Variants in CNTN5 observed in about 807,000 individuals in gnomAD.
CNTN5 encodes contactin 5.
CNTN5 carries 77 observed loss-of-function variants against 129.1 expected under a neutral mutation model. That is an observed-to-expected ratio of 0.60 (90% CI 0.50 to 0.72). The LOEUF is 0.72. Among genes scored for constraint, CNTN5 ranks in the 30% least tolerant of loss-of-function variants. The pLI, the probability that CNTN5 is intolerant of heterozygous loss-of-function variation, is 0.00. For missense variants in CNTN5, 1,478 were observed against 1,328.8 expected, an observed-to-expected ratio of 1.11 and a Z score of -1.75; for synonymous variants, 509 against 465.6, an observed-to-expected ratio of 1.09 and a Z score of -1.20.
intron 1 of CNTN5, among the ~76,000 whole-genome samples, chr11:99,087,370 G>A (rs1200898455): frequency 6.6e-6 from 1 of 152,016 alleles, no homozygotes; most frequent in East Asian, 1.9e-4. Context: ...TTTTTATATG[G>A]TTCTTCCTTG....
chr11:99,164,746 A>T (rs1860795368), intron 1 of CNTN5, among the ~76,000 whole-genome samples: 1 of 152,190 alleles, frequency 6.6e-6, no homozygotes, highest in Non-Finnish European at 1.5e-5. Flanking sequence ...TCATTTTTTC[A>T]GACACTGATT....
chr11:99,893,521 G>A (rs531123194), intron 6 of CNTN5, among the ~76,000 whole-genome samples: 1 of 152,238 alleles, frequency 6.6e-6, no homozygotes, highest in South Asian at 2.1e-4. Flanking sequence ...TGGCAGACAG[G>A]ATTTCAGACA....
intron 3 of CNTN5, among the ~76,000 whole-genome samples, chr11:99,565,185 A>G (rs936618015): frequency 6.6e-6 from 1 of 152,114 alleles, no homozygotes; most frequent in South Asian, 2.1e-4. Context: ...GGAAGCCCCT[A>G]GAAGCCGCCT....
chr11:99,306,400 A>G (rs1050240477), intron 1 of CNTN5, among the ~76,000 whole-genome samples: 2 of 152,204 alleles, frequency 1.3e-5, no homozygotes, highest in Admixed American at 1.3e-4. Flanking sequence ...TAATTATGTA[A>G]GGCGTATAGA....
At chr11:100,168,064 A>G (rs1430095916) in intron 13 of CNTN5, among the ~76,000 whole-genome samples, 1 of 151,898 alleles carries the variant, frequency 6.6e-6, no homozygotes, top group Non-Finnish European at 1.5e-5. Flanking sequence ...CTTCAATTCT[A>G]TAAAGTTTGA....
chr11:99,970,524 T>C (rs1951220428), intron 8 of CNTN5, among the ~76,000 whole-genome samples: 1 of 152,244 alleles, frequency 6.6e-6, no homozygotes, highest in South Asian at 2.1e-4. Flanking sequence ...TTGGTACTTA[T>C]CTGATAGGGT....
chr11:100,159,879 G>A (rs1309154250), intron 13 of CNTN5, among the ~76,000 whole-genome samples: 1 of 151,864 alleles, frequency 6.6e-6, no homozygotes, highest in Non-Finnish European at 1.5e-5. Context: ...TCTTCAGGCA[G>A]TGTTTTTTTA....
intron 2 of CNTN5, among the ~76,000 whole-genome samples, chr11:99,380,880 A>G (rs550298078): frequency 6.6e-6 from 1 of 152,240 alleles, no homozygotes; most frequent in East Asian, 1.9e-4. Context: ...CTGGGGTTAC[A>G]TCAGTGAGAA....
chr11:99,031,926 C>G (rs1315220865), intron 1 of CNTN5, among the ~76,000 whole-genome samples: 3 of 119,128 alleles, frequency 2.5e-5, no homozygotes, highest in African/African-American at 9.5e-5. Context: ...CTCCCCCCAC[C>G]CCACAACAGT....
intron 3 of CNTN5, among the ~76,000 whole-genome samples, chr11:99,630,017 A>C (rs2458167): frequency 0.61 from 92,570 of 151,400 alleles, 29,203 homozygotes; most frequent in Admixed American, 0.74. Flanking sequence ...GCATGGATTT[A>C]CACGGTGGGA....
chr11:100,252,846 ACT>A (rs1376338370), intron 16 of CNTN5, among the ~76,000 whole-genome samples: 3 of 152,150 alleles, frequency 2.0e-5, no homozygotes, highest in Non-Finnish European at 4.4e-5. Context: ...TGGACTGACA[ACT>A]GTCTTTTCCT....
intron 2 of CNTN5, among the ~76,000 whole-genome samples, chr11:99,444,206 AAG>A (rs555728380): frequency 6.6e-6 from 1 of 151,556 alleles, no homozygotes; most frequent in African/African-American, 2.4e-5. Flanking sequence ...CTCAAAAAGA[AAG>A]AGAGAGAGAG....
At chr11:99,262,202 C>T (rs932974387) in intron 1 of CNTN5, among the ~76,000 whole-genome samples, 5 of 151,904 alleles carry the variant, frequency 3.3e-5, no homozygotes, top group African/African-American at 1.2e-4. Flanking sequence ...ACTCTGTGGC[C>T]CTAGGAAAGA....
intron 2 of CNTN5, among the ~76,000 whole-genome samples, chr11:99,366,898 T>C (rs1939479337): frequency 6.6e-6 from 1 of 152,192 alleles, no homozygotes; most frequent in African/African-American, 2.4e-5. Context: ...TAGTGACAAA[T>C]AGCAGATTCG....
At chr11:99,313,693 A>G (rs1309506643) in intron 1 of CNTN5, among the ~76,000 whole-genome samples, 1 of 152,134 alleles carries the variant, frequency 6.6e-6, no homozygotes, top group African/African-American at 2.4e-5. Context: ...CATAAAATTA[A>G]TATTTAGTAA....
At chr11:99,689,396 G>A (rs1239331455) in intron 3 of CNTN5, among the ~76,000 whole-genome samples, 1 of 151,750 alleles carries the variant, frequency 6.6e-6, no homozygotes, top group Non-Finnish European at 1.5e-5. Context: ...GCGTGGTGGT[G>A]GGCGCCTGTA....
chr11:99,307,088 A>G (rs911837141), intron 1 of CNTN5, among the ~76,000 whole-genome samples: 1 of 152,178 alleles, frequency 6.6e-6, no homozygotes, highest in Non-Finnish European at 1.5e-5. Flanking sequence ...ATATGAAAAG[A>G]ATTAACATGA....
chr11:99,799,825 C>A (rs925412909), intron 3 of CNTN5, among the ~76,000 whole-genome samples: 3 of 151,954 alleles, frequency 2.0e-5, no homozygotes, highest in African/African-American at 7.2e-5. Context: ...GAATTGGTAC[C>A]AGCTCTTCTT....
chr11:99,939,828 A>C (rs969966933), intron 7 of CNTN5, among the ~76,000 whole-genome samples: 1 of 152,108 alleles, frequency 6.6e-6, no homozygotes, highest in Non-Finnish European at 1.5e-5. Context: ...AACCTCCTCT[A>C]TATGTTTGTG....
Sources: gnomAD v4.1 joint callset for allele counts (sites outside exome capture counted in the v4.1 genomes callset) on GRCh38, gnomAD v4.1.1 for gene constraint, MANE v1.5 for transcripts, NCBI Gene and HGNC (gene_info 2026-07-23, HGNC 2026-07-21) for gene names.